ZNF727: variants seen among roughly 807,000 people sequenced by gnomAD.
ZNF727 encodes the protein zinc finger protein 727.
Under a neutral mutation model 11.5 loss-of-function variants are expected in ZNF727, and 11 were observed. The ratio of observed to expected loss-of-function variants is 0.95; its 90% CI spans 0.60 to 1.58. The LOEUF (loss-of-function observed/expected upper bound fraction) is 1.58, where lower values mean the gene tolerates loss of function less well. Among genes scored for constraint, ZNF727 ranks in the 40% most tolerant of loss-of-function variants. The pLI, the probability that ZNF727 is intolerant of heterozygous loss-of-function variation, is 0.00. For missense variants in ZNF727, 533 were observed against 581.7 expected (o/e 0.92, Z 0.86); for synonymous variants, 171 against 196.1 (o/e 0.87, Z 1.07).
intron 1 of ZNF727, among the ~76,000 whole-genome samples, chr7:64,050,577 G>A (rs1789577742): frequency 1.3e-5 from 2 of 152,168 alleles, no homozygotes; most frequent in African/African-American, 4.8e-5. Context: ...AGATGAGACA[G>A]TTTGAGATTT....
chr7:64,080,336 T>C lies in ZNF727; in HGVS notation c.*1787T>C, dbSNP rs1252076477. Among the ~76,000 whole-genome samples, 10 of 152,252 alleles carry C rather than the reference T, an allele frequency of 6.6e-5. No homozygotes were observed. The highest frequency in any genetic ancestry group is 3.4e-3 in the Middle Eastern group (1 of 294). On this transcript the variant is annotated 3_prime_UTR_variant, in exon 4 of 4. Transcript: ENST00000456806. ...TACATAATCTGTTATTTCTTGGAGG[T>C]TTTGTTCATTCCTCTTTATACTTTT... is the stretch of plus-strand genomic sequence containing the variant.
chr7:64,049,198 T>G (rs1191506113), intron 1 of ZNF727, among the ~76,000 whole-genome samples: 1 of 152,148 alleles, frequency 6.6e-6, no homozygotes, highest in Non-Finnish European at 1.5e-5. Flanking sequence ...TCAGTCTCAG[T>G]CAGCTGACCA....
chr7:64,052,375 T>TCC lies in ZNF727; in HGVS notation c.3+6752_3+6753insCC, dbSNP rs1302666931. On this transcript the variant is annotated intron_variant, in intron 1 of 3. Transcript: ENST00000456806. ...CAGGAGTTCCCCTGGACAATTTCTC[T>TCC]CTCTTTTTTTTTTTTTTTTTTTTTG... Among the ~76,000 whole-genome samples, 199 of 69,970 alleles carry TCC rather than the reference T, an allele frequency of 2.8e-3. 1 individual carries two copies. Among genetic ancestry groups the TCC allele is most frequent in the African/African-American group, 8.3e-3 (185 of 22,238 alleles). 45.9% of individuals were successfully genotyped at this position (69,970 alleles called of 152,430 possible). A position where few individuals can be genotyped will look rare whatever the true frequency, so the allele number is the denominator to read the frequency against.
chr7:64,072,085 AATTTTAAG>A (rs1380739668), intron 3 of ZNF727, among the ~76,000 whole-genome samples: 1 of 152,134 alleles, frequency 6.6e-6, no homozygotes, highest in Non-Finnish European at 1.5e-5. Flanking sequence ...ATTACATATA[AATTTTAAG>A]ATTGAATTTT....
chr7:64,059,220 G>T (rs1789733695), intron 1 of ZNF727, among the ~76,000 whole-genome samples: 1 of 152,072 alleles, frequency 6.6e-6, no homozygotes, highest in Non-Finnish European at 1.5e-5. Context: ...TGGGATTACA[G>T]GCATGAGCCG....
intron 1 of ZNF727, 140 bp from the exon 2 acceptor site, chr7:64,068,751 T>C (rs1789910169): frequency 2.0e-6 from 2 of 1,021,702 alleles, no homozygotes; most frequent in Non-Finnish European, 2.8e-6. Context: ...TTAGAGAATA[T>C]TTCTGTGCTA....
intron 3 of ZNF727, among the ~76,000 whole-genome samples, chr7:64,074,512 A>C (rs957034602): frequency 6.6e-6 from 1 of 152,116 alleles, no homozygotes; most frequent in African/African-American, 2.4e-5. Flanking sequence ...TTTGTGCCTT[A>C]TGTTAGACAT....
chr7:64,078,165 ATG>A lies in ZNF727; in HGVS notation c.1119_1120del (p.Cys373TrpfsTer5). 1 of 1,596,304 alleles carries A rather than the reference ATG, an allele frequency of 6.3e-7. No individual in the cohort carries two copies. Among genetic ancestry groups the A allele is most frequent in the Non-Finnish European group, 8.5e-7 (1 of 1,170,742 alleles). ...MELRPYKCEE[C>X]GKTFKWFSDL... ...AATTGAGACCTTACAAATGTGAAGA[ATG>A]TGGCAAAACCTTTAAGTGGTTCTCA... is the stretch of plus-strand genomic sequence containing the variant. On this transcript the variant is annotated frameshift_variant, in exon 4 of 4. Transcript: ENST00000456806. LOFTEE classifies it low-confidence loss of function (END_TRUNC).
chr7:64,082,019 T>G lies in ZNF727; in HGVS notation c.*3470T>G, dbSNP rs1198527157. Among the ~76,000 whole-genome samples the G allele has an allele frequency of 6.6e-6, 1 of 152,088 alleles. No individual in the cohort carries two copies. The highest frequency in any genetic ancestry group is 1.9e-4 in the East Asian group (1 of 5,176). ...TTAGGGGTTCACTGGTAATGAGCAG[T>G]GGGTAGTTTGTGGGACCCATGGAGG... On this transcript the variant is annotated 3_prime_UTR_variant, in exon 4 of 4. Coordinates refer to ENST00000456806, the MANE Select transcript of ZNF727 (RefSeq NM_001159522.3).
intron 1 of ZNF727, among the ~76,000 whole-genome samples, chr7:64,064,757 C>T (rs562019065): frequency 2.0e-5 from 3 of 152,272 alleles, no homozygotes; most frequent in African/African-American, 2.4e-5. Context: ...TCTCTGACTA[C>T]GGCTAGTCTG....
At chr7:64,077,199 T>C (rs553524361) in intron 3 of ZNF727, 77 bp from the exon 4 acceptor site, 3 of 1,325,964 alleles carry the variant, frequency 2.3e-6, no homozygotes, top group South Asian at 1.6e-5. Context: ...ATGTGCTTTG[T>C]ATAATTATAT....
In ZNF727 at chr7:64,083,802, A is replaced by G. The variant is rs1158333912; in HGVS notation, c.*5253A>G. 1.3e-5 allele frequency among the ~76,000 whole-genome samples: 2 copies of G among 152,026 alleles called. No homozygotes were observed. The highest frequency in any genetic ancestry group is 2.9e-5 in the Non-Finnish European group (2 of 68,004). ...TGCTTTACTCCATTCTCCGTAAGTT[A>G]AGTTGTTTCTTTCATTAGTTCCAAT... On this transcript the variant is annotated 3_prime_UTR_variant, in exon 4 of 4. Transcript: ENST00000456806.
chr7:64,076,009 T>C (rs965004776), intron 3 of ZNF727, among the ~76,000 whole-genome samples: 1 of 119,660 alleles, frequency 8.4e-6, no homozygotes, highest in Admixed American at 9.8e-5. Context: ...TATTTTTTGG[T>C]TAATTTTTTT....
At chr7:64,067,693 CAT>C (rs1387597499) in intron 1 of ZNF727, among the ~76,000 whole-genome samples, 1 of 152,032 alleles carries the variant, frequency 6.6e-6, no homozygotes, top group African/African-American at 2.4e-5. Context: ...ACAATGAGAA[CAT>C]GTGGACACAG....
intron 1 of ZNF727, among the ~76,000 whole-genome samples, chr7:64,057,059 T>G (rs571507270): frequency 1.3e-5 from 2 of 152,206 alleles, no homozygotes; most frequent in East Asian, 3.9e-4. Flanking sequence ...TTATGAGCAC[T>G]CATTTGAAGT....
rs777104470 is a variant in ZNF727, at chr7:64,068,923, A to C, written c.36A>C (p.Glu12Asp). 2.0e-5 allele frequency: 32 copies of C among 1,603,906 alleles called. No homozygotes were observed. Among genetic ancestry groups the C allele is most frequent in the Non-Finnish European group, 2.6e-5 (31 of 1,174,764 alleles). The change falls in exon 2 of 4, where the codon GAA (glutamate) becomes GAC (aspartate). Residue 12 changes from glutamate (E) to aspartate (D), a missense_variant. By Grantham distance (45) the Glu-to-Asp change is conservative. Around this residue, in one of 3 missense-constraint regions of ZNF727, gnomAD observed 463 missense variants for 494.5 expected, o/e 0.94. Transcript: ENST00000456806. ...RVLTFRDVAV[E>D]FSPEEWECLD... ...TAACATTCAGGGATGTGGCTGTAGA[A>C]TTCTCCCCAGAAGAGTGGGAATGCC...
At chr7:64,051,238 A>G (rs1789593356) in intron 1 of ZNF727, among the ~76,000 whole-genome samples, 1 of 152,216 alleles carries the variant, frequency 6.6e-6, no homozygotes, top group Non-Finnish European at 1.5e-5. Context: ...CAACACATTC[A>G]TGAGGCCAAA....
chr7:64,072,234 G>A (rs1357053459), intron 3 of ZNF727, among the ~76,000 whole-genome samples: 1 of 152,028 alleles, frequency 6.6e-6, no homozygotes, highest in African/African-American at 2.4e-5. Flanking sequence ...ATCTTTTTGG[G>A]TATGCAGTGG....
At chr7:64,050,641 A>G (rs1789578987) in intron 1 of ZNF727, among the ~76,000 whole-genome samples, 1 of 152,234 alleles carries the variant, frequency 6.6e-6, no homozygotes, top group Admixed American at 6.5e-5. Flanking sequence ...AAATCATGTC[A>G]GCAAGAGAAG....
Sources: gnomAD v4.1 joint callset for allele counts (sites outside exome capture counted in the v4.1 genomes callset) on GRCh38, gnomAD v4.1.1 for gene constraint, gnomAD v4.1.1 regional missense constraint, MANE v1.5 for transcripts, NCBI Gene and HGNC (gene_info 2026-07-23, HGNC 2026-07-21) for gene names.